SCPEP1: variants seen among roughly 807,000 people sequenced by gnomAD.
SCPEP1 encodes the protein retinoid-inducible serine carboxypeptidase.
SCPEP1 carries 51 observed loss-of-function variants against 63.8 expected under a neutral mutation model. The observed-to-expected ratio is 0.80, with a 90% CI of 0.64 to 1.01. The LOEUF (loss-of-function observed/expected upper bound fraction) is 1.01, where lower values mean the gene tolerates loss of function less well. Ranked by LOEUF, SCPEP1 falls within the 50% of genes least tolerant of loss-of-function variation. The pLI, the probability that SCPEP1 is intolerant of heterozygous loss-of-function variation, is 0.00. For missense variants in SCPEP1, 499 were observed against 554.9 expected, an observed-to-expected ratio of 0.90 and a Z score of 1.01; for synonymous variants, 204 against 207.8, an observed-to-expected ratio of 0.98 and a Z score of 0.16.
rs1232754887 is a variant in SCPEP1, at chr17:56,987,770, T to A, written c.391T>A (p.Tyr131Asn). The A allele has an allele frequency of 6.2e-7, 1 of 1,614,170 alleles. No individual in the cohort carries two copies. Among genetic ancestry groups the A allele is most frequent in the Admixed American group, 1.7e-5 (1 of 60,022 alleles). ...GFSYVNGSGA[Y>N]AKDLAMVASD... is the part of the protein sequence containing the mutation. ...CAGTTATGTGAATGGTAGTGGTGCC[T>A]ATGCCAAGGACCTGGCTATGGTGGC... is the stretch of plus-strand genomic sequence containing the variant. Residue 131 changes from tyrosine to asparagine, a missense_variant, in exon 4 of 13, where the codon TAT becomes AAT. Tyr to Asn is a moderately radical substitution (Grantham distance 143). Coordinates refer to ENST00000262288, the MANE Select transcript of SCPEP1 (RefSeq NM_021626.3).
intron 11 of SCPEP1, among the ~76,000 whole-genome samples, chr17:57,001,352 T>G (rs1455609601): frequency 6.6e-6 from 1 of 152,204 alleles, no homozygotes; most frequent in Non-Finnish European, 1.5e-5. Context: ...TGTTGACCAC[T>G]GCAGAGTGAA....
rs191132802 is a variant in SCPEP1, at chr17:56,996,278, C to A, written c.786+643C>A. On this transcript the variant is annotated intron_variant, in intron 8 of 12. Transcript: ENST00000262288. ...GGAGTGCAATGGCACAGTCTTGGCT[C>A]ACTGCAACCTCTGCCTCCTGGGCTC... Among the ~76,000 whole-genome samples, 17 of 152,150 alleles carry A rather than the reference C, an allele frequency of 1.1e-4. No individual in the cohort carries two copies. The East Asian group carries it at 3.3e-3, about 29-fold the overall frequency.
chr17:56,995,148 C>A, intron 7 of SCPEP1, 130 bp downstream of exon 7: 1 of 754,292 alleles, frequency 1.3e-6, no homozygotes, highest in Non-Finnish European at 2.2e-6. Context: ...GACTAGTCAT[C>A]CACATAGAGT....
At chr17:56,979,434 G>A (rs1911005338) in intron 1 of SCPEP1, among the ~76,000 whole-genome samples, 1 of 151,986 alleles carries the variant, frequency 6.6e-6, no homozygotes, top group South Asian at 2.1e-4. Context: ...GTCACCGAGG[G>A]GATCCCCCCC....
chr17:57,005,633 G>A (rs914190877), intron 12 of SCPEP1, among the ~76,000 whole-genome samples: 7 of 152,060 alleles, frequency 4.6e-5, no homozygotes, highest in Non-Finnish European at 8.8e-5. Context: ...GATGCTGTGT[G>A]GGAAGGAAAT....
At chr17:56,994,918 G>T (rs969304311) in intron 6 of SCPEP1, 63 bp from the exon 7 acceptor site, 10 of 1,397,822 alleles carry the variant, frequency 7.2e-6, no homozygotes, top group Middle Eastern at 3.6e-4. Context: ...GAAGACAGTA[G>T]GTTTGTCTTT....
chr17:57,002,258 A>G (rs1484819657), intron 12 of SCPEP1, 77 bp downstream of exon 12: 8 of 1,462,496 alleles, frequency 5.5e-6, no homozygotes, highest in Non-Finnish European at 7.5e-6. Flanking sequence ...GCCTCTGTCC[A>G]CTGCCCAGGT....
chr17:56,978,457 G>A (rs1361479515), intron 1 of SCPEP1, among the ~76,000 whole-genome samples: 1 of 146,614 alleles, frequency 6.8e-6, no homozygotes, highest in Admixed American at 6.9e-5. Context: ...GAGTGCTTCC[G>A]TTCTCTCCTA....
In SCPEP1 at chr17:56,978,179, G is replaced by T. The variant is rs763757589; in HGVS notation, c.20G>T (p.Arg7Leu). Reference sequence around the variant, plus strand: ...CTTGTCATGGAGCTGGCACTGCGGCGCTCTCCCGTCCCGCGGTGGTTGCTG... The same window carrying T: ...CTTGTCATGGAGCTGGCACTGCGGCTCTCTCCCGTCCCGCGGTGGTTGCTG... MELALR[R>L]SPVPRWLLLL... Residue 7 changes from arginine (R) to leucine (L), a missense_variant, in exon 1 of 13, where the codon CGC becomes CTC. Coordinates refer to ENST00000262288, the MANE Select transcript of SCPEP1 (RefSeq NM_021626.3). 52 of 1,545,284 alleles carry T rather than the reference G, an allele frequency of 3.4e-5. No individual in the cohort carries two copies. Among genetic ancestry groups the T allele is most frequent in the Middle Eastern group, 1.8e-4 (1 of 5,488 alleles).
chr17:57,001,141 G>A, intron 11 of SCPEP1, 149 bp downstream of exon 11: 1 of 887,202 alleles, frequency 1.1e-6, no homozygotes, highest in South Asian at 1.6e-5. Context: ...CCCCGACCTT[G>A]ATTATTCAAA....
intron 2 of SCPEP1, chr17:56,983,672 T>C (rs1911129468): frequency 6.6e-6 from 1 of 152,214 alleles, no homozygotes; most frequent in Non-Finnish European, 1.5e-5. Context: ...TTAGGAAATC[T>C]TAAGATACAA....
At chr17:56,996,594 A>G (rs965353470) in intron 8 of SCPEP1, among the ~76,000 whole-genome samples, 1 of 151,590 alleles carries the variant, frequency 6.6e-6, no homozygotes, top group Non-Finnish European at 1.5e-5. Flanking sequence ...ATCTCGGCTC[A>G]CTGCAACCTC....
chr17:57,000,335 T>C (rs1911702413), intron 10 of SCPEP1, among the ~76,000 whole-genome samples: 1 of 152,176 alleles, frequency 6.6e-6, no homozygotes, highest in Admixed American at 6.5e-5. Flanking sequence ...GGGCAGGAGC[T>C]AGCAAGAGTA....
chr17:56,996,894 T>G (rs1911581895), intron 8 of SCPEP1, 68 bp from the exon 9 acceptor site: 1 of 983,652 alleles, frequency 1.0e-6, no homozygotes, highest in Non-Finnish European at 1.6e-6. Flanking sequence ...GAGCCATGTG[T>G]CCTTCTGTTT....
At chr17:56,985,326 T>C in intron 2 of SCPEP1, 52 bp from the exon 3 acceptor site, 1 of 1,383,310 alleles carries the variant, frequency 7.2e-7, no homozygotes, top group Non-Finnish European at 1.0e-6. Context: ...TCATTCATTG[T>C]AAAGACTAAG....
chr17:56,992,039 G>T (rs78234391), intron 6 of SCPEP1, among the ~76,000 whole-genome samples: 8,939 of 152,274 alleles, frequency 0.059, 378 homozygotes, highest in Non-Finnish European at 0.089. Flanking sequence ...GGCAAAGGAG[G>T]GAAATAAGCA....
chr17:56,998,553 T>C, intron 10 of SCPEP1, 55 bp downstream of exon 10: 2 of 1,368,876 alleles, frequency 1.5e-6, no homozygotes, highest in Non-Finnish European at 2.1e-6. Context: ...AGAAAAGAGG[T>C]GCAAATTCAG....
chr17:56,992,396 A>T (rs1475516169), intron 6 of SCPEP1, among the ~76,000 whole-genome samples: 1 of 152,098 alleles, frequency 6.6e-6, no homozygotes, highest in East Asian at 1.9e-4. Flanking sequence ...GGACATCATA[A>T]AACTGCAGAA....
At chr17:56,998,358 A>G (rs1911635926) in intron 9 of SCPEP1, 27 bp from the exon 10 acceptor site, 1 of 1,498,030 alleles carries the variant, frequency 6.7e-7, no homozygotes, top group Non-Finnish European at 9.3e-7. Context: ...CAGCCCTTTG[A>G]CTCACTATCT....
Sources: allele counts gnomAD v4.1 joint callset (sites outside exome capture counted in the v4.1 genomes callset), GRCh38; gene constraint gnomAD v4.1.1; transcripts MANE v1.5; gene names NCBI Gene and HGNC (gene_info 2026-07-23, HGNC 2026-07-21).